Variants in RYR2 observed in about 807,000 individuals in gnomAD.
RYR2 encodes the protein ryanodine receptor 2, also known as cardiac muscle ryanodine receptor-calcium release channel.
Under a neutral mutation model 601.1 loss-of-function variants are expected in RYR2, and 227 were observed. The ratio of observed to expected loss-of-function variants is 0.38; its 90% CI spans 0.34 to 0.42. The LOEUF (loss-of-function observed/expected upper bound fraction) is 0.42, where lower values mean the gene tolerates loss of function less well. RYR2 is among the 10% of genes least tolerant of loss of function. RYR2 has a pLI of 1.00. For missense variants in RYR2, 4,646 were observed against 6,156.5 expected (o/e 0.75, Z 8.21); for synonymous variants, 2,223 against 2,175.1 (o/e 1.02, Z -0.61).
intron 10 of RYR2, among the ~76,000 whole-genome samples, chr1:237,394,030 T>G (rs1295749579): frequency 1.3e-5 from 2 of 152,208 alleles, no homozygotes; most frequent in African/African-American, 4.8e-5. Context: ...AGACAATAGA[T>G]TAAAATCAAC....
At chr1:237,774,429 A>T (rs1017369760) in intron 87 of RYR2, among the ~76,000 whole-genome samples, 3 of 152,080 alleles carry the variant, frequency 2.0e-5, no homozygotes, top group Admixed American at 6.6e-5. Flanking sequence ...TAAATAAATG[A>T]CTCATGGCCA....
At position 237,640,982 on chromosome 1, in the gene RYR2, C is replaced by T. The variant is rs1321283106; in HGVS notation, c.7201C>T (p.Arg2401Cys). ...FYSALIDLLGRCAPEMHLIHA... is the reference protein window; with the variant it reads ...FYSALIDLLGCCAPEMHLIHA... ...TTCAGCTTTGATTGACCTCTTGGGACGCTGTGCTCCTGAGATGCATGTGAG... is the reference window on the plus strand; with the variant it reads ...TTCAGCTTTGATTGACCTCTTGGGATGCTGTGCTCCTGAGATGCATGTGAG... Residue 2401 changes from arginine to cysteine, a missense_variant, in exon 47 of 105, where the codon CGC becomes TGC. By Grantham distance (180) the Arg-to-Cys change is radical. This residue lies in a region of RYR2 where 1,497 missense variants were observed against 1,842.6 expected (regional missense o/e 0.81). Coordinates refer to ENST00000366574, the MANE Select transcript of RYR2 (RefSeq NM_001035.3). The T allele has an allele frequency of 1.4e-5, 22 of 1,612,186 alleles. No homozygotes were observed. The highest frequency in any genetic ancestry group is 5.5e-5 in the South Asian group (5 of 90,614).
intron 17 of RYR2, among the ~76,000 whole-genome samples, chr1:237,470,679 A>G (rs1411138176): frequency 6.6e-6 from 1 of 152,240 alleles, no homozygotes; most frequent in Non-Finnish European, 1.5e-5. Flanking sequence ...AGAAGTGACC[A>G]AATAAGTGGT....
Position 237,792,399 on chromosome 1 carries a change from G to GTGTGTGTGTGTGTGCA in RYR2, c.13782+90_13782+91insCATGTGTGTGTGTGTG. 5 of 123,736 alleles carry GTGTGTGTGTGTGTGCA rather than the reference G, an allele frequency of 4.0e-5. No individual in the cohort carries two copies. The East Asian group carries it at 1.4e-3, about 35-fold the overall frequency. 7.7% of individuals were successfully genotyped at this position (123,736 alleles called of 1,614,324 possible). A position where few individuals can be genotyped will look rare whatever the true frequency, so the allele number is the denominator to read the frequency against. Reference sequence around the variant, plus strand: ...TGTGTGTGCGTGTGTGTGTGTGTGCGTGTGTGTGTGTGTGTGTGTGTGTGT... The same window carrying GTGTGTGTGTGTGTGCA: ...TGTGTGTGCGTGTGTGTGTGTGTGCGTGTGTGTGTGTGTGCATGTGTGTGTGTGTGTGTGTGTGTGT... On this transcript the variant is annotated intron_variant, in intron 94 of 104. Coordinates refer to ENST00000366574, the MANE Select transcript of RYR2 (RefSeq NM_001035.3).
intron 2 of RYR2, among the ~76,000 whole-genome samples, chr1:237,310,160 A>G (rs1476585860): frequency 2.0e-5 from 3 of 152,120 alleles, no homozygotes; most frequent in African/African-American, 7.2e-5. Flanking sequence ...GCACGCTGTC[A>G]CCTCTCAGAT....
chr1:237,423,182 CCTT>C lies in RYR2; in HGVS notation c.942_944del (p.Leu316del), dbSNP rs749937926. ...ACTTGAGTCTCATGGAAGACAAAAA[CCTT>C]CTACTCATGGACAAAGAGAAAGCTG... On this transcript the variant is annotated inframe_deletion, in exon 12 of 105. Coordinates refer to ENST00000366574, the MANE Select transcript of RYR2 (RefSeq NM_001035.3). 1.9e-6 allele frequency: 3 copies of C among 1,613,848 alleles called. No homozygotes were observed. The highest frequency in any genetic ancestry group is 2.2e-5 in the East Asian group (1 of 44,864).
chr1:237,658,388 A>G (rs937572636), intron 54 of RYR2, among the ~76,000 whole-genome samples: 71 of 152,106 alleles, frequency 4.7e-4, no homozygotes, highest in African/African-American at 1.6e-3. Flanking sequence ...CTTTGGTTTT[A>G]TATGTAGGTT....
In RYR2 at chr1:237,735,501, T is replaced by C. The variant is rs139477971; in HGVS notation, c.11091+1745T>C. ...TTTGTGAAGTGAGGTCTGGAGTCCA[T>C]GAGACCTGCTGGAGAAGACAGGTTA... On this transcript the variant is annotated intron_variant, in intron 79 of 104. Coordinates refer to ENST00000366574, the MANE Select transcript of RYR2 (RefSeq NM_001035.3). Among the ~76,000 whole-genome samples, 184 of 152,266 alleles carry C rather than the reference T, an allele frequency of 1.2e-3. 1 individual carries two copies. The highest frequency in any genetic ancestry group is 4.2e-3 in the African/African-American group (175 of 41,556).
chr1:237,756,967 T>C (rs1693010703), intron 81 of RYR2, among the ~76,000 whole-genome samples: 1 of 152,248 alleles, frequency 6.6e-6, no homozygotes, highest in African/African-American at 2.4e-5. Context: ...ATTAAGATGC[T>C]GTCATATATC....
intron 1 of RYR2, among the ~76,000 whole-genome samples, chr1:237,267,929 A>G (rs774968057): frequency 1.2e-4 from 18 of 152,124 alleles, no homozygotes; most frequent in Non-Finnish European, 2.1e-4. Flanking sequence ...CATTTTCCTC[A>G]TCTAGATATG....
At chr1:237,052,781 T>C (rs1264424049) in intron 1 of RYR2, among the ~76,000 whole-genome samples, 1 of 151,948 alleles carries the variant, frequency 6.6e-6, no homozygotes, top group African/African-American at 2.4e-5. Context: ...AACAGAAACA[T>C]ACACACACAC....
chr1:237,144,912 C>T lies in RYR2; in HGVS notation c.48+102343C>T, dbSNP rs554260467. On this transcript the variant is annotated intron_variant, in intron 1 of 104. Coordinates refer to ENST00000366574, the MANE Select transcript of RYR2 (RefSeq NM_001035.3). ...CCCCTATTCCACCCTCAGACGTCCC[C>T]TAACCTGAATTTTGTGTTTATAATT... Among the ~76,000 whole-genome samples the T allele has an allele frequency of 2.0e-5, 3 of 152,272 alleles. No individual in the cohort carries two copies. The East Asian group carries it at 5.8e-4, about 29-fold the overall frequency.
intron 20 of RYR2, among the ~76,000 whole-genome samples, chr1:237,498,554 C>G (rs1193878412): frequency 6.6e-6 from 1 of 151,716 alleles, no homozygotes; most frequent in African/African-American, 2.4e-5. Context: ...ACTTGTTTTC[C>G]CATTACACAG....
At chr1:237,485,925 C>T (rs115299267) in intron 17 of RYR2, among the ~76,000 whole-genome samples, 1,651 of 152,134 alleles carry the variant, frequency 0.011, 34 homozygotes, top group African/African-American at 0.037. Context: ...ATGTGTGTTT[C>T]AGCATAACCA....
chr1:237,768,911 A>G (rs1251561946), intron 84 of RYR2, among the ~76,000 whole-genome samples: 1 of 152,186 alleles, frequency 6.6e-6, no homozygotes, highest in Non-Finnish European at 1.5e-5. Context: ...GTCCTTATAT[A>G]AGTGAAATTA....
At chr1:237,296,868 T>C (rs1692831674) in intron 2 of RYR2, among the ~76,000 whole-genome samples, 1 of 152,174 alleles carries the variant, frequency 6.6e-6, no homozygotes, top group Non-Finnish European at 1.5e-5. Flanking sequence ...TTTCTTGGAA[T>C]CCTTATTGTC....
intron 29 of RYR2, among the ~76,000 whole-genome samples, chr1:237,585,561 C>G (rs1197748499): frequency 6.6e-6 from 1 of 152,120 alleles, no homozygotes; most frequent in Non-Finnish European, 1.5e-5. Flanking sequence ...TTCTTTGATC[C>G]CATTGCCACA....
intron 45 of RYR2, 129 bp downstream of exon 45, chr1:237,638,621 G>T: frequency 2.0e-6 from 2 of 1,025,138 alleles, no homozygotes; most frequent in East Asian, 2.5e-5. Flanking sequence ...AATCGATAGG[G>T]GTTTTTCACA....
intron 12 of RYR2, among the ~76,000 whole-genome samples, chr1:237,436,776 A>G (rs374636462): frequency 1.7e-4 from 25 of 151,216 alleles, no homozygotes; most frequent in Middle Eastern, 3.4e-3. Context: ...GATGATTTTA[A>G]CTATGCTAGA....
Sources: gnomAD v4.1 joint callset for allele counts (sites outside exome capture counted in the v4.1 genomes callset) on GRCh38, gnomAD v4.1.1 for gene constraint, gnomAD v4.1.1 regional missense constraint, MANE v1.5 for transcripts, NCBI Gene and HGNC (gene_info 2026-07-23, HGNC 2026-07-21) for gene names.